The following COG5 variants were observed in gnomAD, a reference collection of about 807,000 sequenced individuals.
COG5 encodes the protein component of oligomeric golgi complex 5.
In COG5, 86 loss-of-function variants were observed where a neutral mutation model predicts 110.4. The ratio of observed to expected loss-of-function variants is 0.78; its 90% CI spans 0.65 to 0.93. The LOEUF is 0.93. Ranked by LOEUF, COG5 falls within the 40% of genes least tolerant of loss-of-function variation. COG5 has a pLI of 0.00. For synonymous variants in COG5, 360 were observed against 334.6 expected (o/e 1.08, Z -0.83); for missense variants, 1,077 against 987.0 (o/e 1.09, Z -1.22).
chr7:107,519,646 CTAAT>C (rs1472519463), intron 6 of COG5, among the ~76,000 whole-genome samples: 1 of 152,090 alleles, frequency 6.6e-6, no homozygotes, highest in East Asian at 1.9e-4. Flanking sequence ...AATTGAGGCA[CTAAT>C]TAATAGCCTA....
intron 5 of COG5, among the ~76,000 whole-genome samples, chr7:107,531,160 G>A (rs1368464788): frequency 4.0e-5 from 6 of 151,596 alleles, no homozygotes; most frequent in African/African-American, 1.5e-4. Context: ...GAATATATTG[G>A]ATCATCTGTC....
chr7:107,502,497 T>C (rs1798701143), intron 6 of COG5, among the ~76,000 whole-genome samples: 1 of 152,290 alleles, frequency 6.6e-6, no homozygotes, highest in Non-Finnish European at 1.5e-5. Flanking sequence ...TGCACGTGTC[T>C]TTTTCATATA....
At chr7:107,273,677 TATTCAATTGCTCAATTGAATTCAAG>T (rs574831559) in intron 14 of COG5, among the ~76,000 whole-genome samples, 160 of 152,296 alleles carry the variant, frequency 1.1e-3, no homozygotes, top group African/African-American at 3.5e-3. Context: ...AGTAAAAAGT[TATTCAATTGCTCAATTGAATTCAAG>T]ATTCAATTGC....
chr7:107,207,713 AAC>A, intron 21 of COG5: 1 of 953,128 alleles, frequency 1.0e-6, no homozygotes, highest in African/African-American at 1.8e-5. Flanking sequence ...ATGCAGGCTG[AAC>A]ACATACAACT....
rs572459878 is a variant in COG5 at position 107,453,557 on chromosome 7, A to G, written c.539-40925T>C. Among the ~76,000 whole-genome samples the G allele has an allele frequency of 2.0e-5, 3 of 152,326 alleles. No homozygotes were observed. The East Asian group carries it at 5.8e-4, about 29-fold the overall frequency. ...GAAGAACAGTCAAAATCTAAATGCA[A>G]AATCACCTAATGTTTTCACAGAGCA... is the stretch of plus-strand genomic sequence containing the variant. On this transcript the variant is annotated intron_variant, in intron 6 of 21. Transcript: ENST00000297135.
intron 6 of COG5, among the ~76,000 whole-genome samples, chr7:107,449,032 A>G (rs1795174272): frequency 6.6e-6 from 1 of 152,194 alleles, no homozygotes; most frequent in African/African-American, 2.4e-5. Flanking sequence ...AAACAAACAT[A>G]AAGATGTGGT....
intron 6 of COG5, chr7:107,475,621 G>A (rs992085703): frequency 3.2e-6 from 1 of 314,460 alleles, no homozygotes; most frequent in African/African-American, 2.2e-5. Flanking sequence ...ATTCATGTAA[G>A]TCATATTTTT....
intron 10 of COG5, among the ~76,000 whole-genome samples, chr7:107,351,903 C>T (rs1014170560): frequency 1.3e-4 from 19 of 149,042 alleles, no homozygotes; most frequent in African/African-American, 3.9e-4. Flanking sequence ...GTCAGTGTGG[C>T]GATTCCTCAG....
chr7:107,427,169 T>C, intron 6 of COG5, among the ~76,000 whole-genome samples: 1 of 152,280 alleles, frequency 6.6e-6, no homozygotes, highest in East Asian at 1.9e-4. Flanking sequence ...TAAGGCTATA[T>C]AGATAGACCA....
At chr7:107,305,533 T>G (rs1807640857) in intron 11 of COG5, among the ~76,000 whole-genome samples, 1 of 152,136 alleles carries the variant, frequency 6.6e-6, no homozygotes, top group Non-Finnish European at 1.5e-5. Context: ...AACATACATA[T>G]ATTATATCAT....
Position 107,295,101 on chromosome 7 carries a change from ATTT to A in COG5, c.1313+3038_1313+3040del, listed in dbSNP as rs1186745330. ...TATATATATATATATATATATATAT[ATTT>A]TTTTTTTTTTTTTGTAGAGTCAGGA... On this transcript the variant is annotated intron_variant, in intron 12 of 21. Transcript: ENST00000297135. Among the ~76,000 whole-genome samples, 448 of 45,366 alleles carry A rather than the reference ATTT, an allele frequency of 9.9e-3. 1 individual carries two copies. Among genetic ancestry groups the A allele is most frequent in the East Asian group, 0.014 (18 of 1,248 alleles). The allele number at this position is 45,366 out of a possible 152,430, so 29.8% of individuals were successfully genotyped here.
chr7:107,231,809 T>G (rs750863176), intron 18 of COG5, among the ~76,000 whole-genome samples: 1 of 151,226 alleles, frequency 6.6e-6, no homozygotes, highest in Admixed American at 6.6e-5. Flanking sequence ...GATTAGACTA[T>G]CTTGCCTTCA....
intron 6 of COG5, among the ~76,000 whole-genome samples, chr7:107,451,209 C>T (rs1262067486): frequency 6.6e-6 from 1 of 152,092 alleles, no homozygotes; most frequent in African/African-American, 2.4e-5. Context: ...GGATTTACAG[C>T]AGAGCCAATC....
intron 19 of COG5, among the ~76,000 whole-genome samples, chr7:107,226,164 T>C (rs919114127): frequency 1.3e-5 from 2 of 152,206 alleles, no homozygotes; most frequent in African/African-American, 4.8e-5. Context: ...TAACTAATAA[T>C]ATTACTGTTA....
At chr7:107,502,983 A>G (rs1047511950) in intron 6 of COG5, among the ~76,000 whole-genome samples, 6 of 152,056 alleles carry the variant, frequency 3.9e-5, no homozygotes, top group African/African-American at 4.8e-5. Flanking sequence ...TTTGACAATT[A>G]TTTCTTTTGC....
intron 8 of COG5, among the ~76,000 whole-genome samples, chr7:107,366,434 A>G (rs1813621777): frequency 6.6e-6 from 1 of 152,134 alleles, no homozygotes; most frequent in Admixed American, 6.5e-5. Context: ...CTTGAAAAGA[A>G]CAAATGGAAC....
intron 11 of COG5, among the ~76,000 whole-genome samples, chr7:107,324,225 T>G (rs1198698036): frequency 1.3e-5 from 2 of 152,188 alleles, no homozygotes; most frequent in Non-Finnish European, 2.9e-5. Flanking sequence ...AATTTTATTC[T>G]AAATATTAAT....
chr7:107,317,987 G>C (rs1012061948), intron 11 of COG5, among the ~76,000 whole-genome samples: 7 of 151,984 alleles, frequency 4.6e-5, no homozygotes, highest in South Asian at 4.2e-4. Context: ...ATGGTTAAAG[G>C]CTTGAAATTT....
chr7:107,229,605 A>G (rs1264584610), intron 19 of COG5, among the ~76,000 whole-genome samples: 1 of 152,166 alleles, frequency 6.6e-6, no homozygotes, highest in Non-Finnish European at 1.5e-5. Context: ...AACGTTCCTT[A>G]AAATCTGAGC....
Sources: gnomAD v4.1 joint callset for allele counts (sites outside exome capture counted in the v4.1 genomes callset) on GRCh38, gnomAD v4.1.1 for gene constraint, MANE v1.5 for transcripts, NCBI Gene and HGNC (gene_info 2026-07-23, HGNC 2026-07-21) for gene names.